FOXN3: variants seen among roughly 807,000 people sequenced by gnomAD.
FOXN3 encodes forkhead box protein N3.
A neutral mutation model predicts 38.4 loss-of-function variants in FOXN3; 7 were observed. That is an observed-to-expected ratio of 0.18 (90% CI 0.10 to 0.34). The LOEUF is 0.34. Among genes scored for constraint, FOXN3 ranks in the 10% least tolerant of loss-of-function variants. The pLI is 1.00. For synonymous variants in FOXN3, 230 were observed against 242.2 expected, an observed-to-expected ratio of 0.95 and a Z score of 0.47; for missense variants, 456 against 613.4, an observed-to-expected ratio of 0.74 and a Z score of 2.71.
chr14:89,162,834 G>C lies in FOXN3; in HGVS notation c.987C>G (p.Thr329=). ...AGGAGGAGGAGGAGATGGAGTCGCT[G>C]GTGGGCGAGGTGCTCCGGGCGTTGG... ...KSSNARSTSP[T]SDSISSSSSS... is the part of the protein sequence containing the mutation. The change falls in exon 6 of 6, where the codon ACC becomes ACG. Residue 329 remains threonine, a synonymous_variant. Coordinates refer to ENST00000557258, the MANE Select transcript of FOXN3 (RefSeq NM_005197.4). This position sits in a 1 kb window ranked among gnomAD's most constrained non-coding sequence, Gnocchi z 7.2. 2 of 1,611,856 alleles carry C rather than the reference G, an allele frequency of 1.2e-6. No homozygotes were observed. Among genetic ancestry groups the C allele is most frequent in the South Asian group, 1.1e-5 (1 of 91,074 alleles).
Position 89,412,187 on chromosome 14 carries a change from G to T in FOXN3, c.290C>A (p.Ser97Tyr), listed in dbSNP as rs758412156. The change falls in exon 2 of 6, where the codon TCC becomes TAC. Residue 97 changes from serine to tyrosine, a missense_variant. Transcript: ENST00000557258. The surrounding 1 kb of genome is among the most constrained non-coding windows in gnomAD (Gnocchi z 4.7). ...VQDLDDDTPP[S>Y]PAHSDMPYDA... ...GTAGGGCATGTCAGAGTGGGCAGGG[G>T]ATGGGGGGGTGTCATCGTCCAGGTC... 2.7e-5 allele frequency: 43 copies of T among 1,613,342 alleles called. No homozygotes were observed. Among genetic ancestry groups the T allele is most frequent in the Non-Finnish European group, 3.6e-5 (43 of 1,179,574 alleles).
chr14:89,377,252 A>G (rs150815554), intron 2 of FOXN3, among the ~76,000 whole-genome samples: 254 of 151,922 alleles, frequency 1.7e-3, no homozygotes, highest in Middle Eastern at 3.4e-3. Context: ...TCCAGACTAA[A>G]GAGATTAAAG....
Position 89,411,949 on chromosome 14 carries a change from G to A in FOXN3, c.528C>T (p.Asp176=). 1 of 1,507,954 alleles carries A rather than the reference G, an allele frequency of 6.6e-7. No individual in the cohort carries two copies. The highest frequency in any genetic ancestry group is 8.9e-7 in the Non-Finnish European group (1 of 1,119,944). 93.4% of individuals were successfully genotyped at this position (1,507,954 alleles called of 1,614,324 possible). A position where few individuals can be genotyped will look rare whatever the true frequency, so the allele number is the denominator to read the frequency against. ...LSLNKCFKKV[D]KERSQSIGKG... is the part of the protein sequence containing the mutation. The stretch of plus-strand genomic sequence containing the variant: ...AGAGGCTTACCTGACTCCTCTCTTT[G>A]TCCACTTTCTTAAAACACTTATTCA... Residue 176 remains aspartate (D), a synonymous_variant, in exon 2 of 6, where the codon GAC becomes GAT. Coordinates refer to ENST00000557258, the MANE Select transcript of FOXN3 (RefSeq NM_005197.4).
intron 2 of FOXN3, among the ~76,000 whole-genome samples, chr14:89,392,745 A>G (rs1327188749): frequency 6.7e-6 from 1 of 149,644 alleles, no homozygotes; most frequent in East Asian, 2.0e-4. Flanking sequence ...GGTTCAAGCA[A>G]TTCTCCTGCC....
At chr14:89,444,007 C>CAAAAAAA (rs569571116) in intron 1 of FOXN3, among the ~76,000 whole-genome samples, 13 of 67,620 alleles carry the variant, frequency 1.9e-4, no homozygotes, top group Non-Finnish European at 2.8e-4. Flanking sequence ...GAAACTCTGT[C>CAAAAAAA]AAAAAAAAAA....
intron 2 of FOXN3, among the ~76,000 whole-genome samples, chr14:89,407,502 G>A (rs367752244): frequency 2.0e-5 from 3 of 152,252 alleles, no homozygotes; most frequent in East Asian, 1.9e-4. Flanking sequence ...TATGTATACC[G>A]AAATGTTTGA....
At chr14:89,518,983 C>T (rs1163913734) in intron 1 of FOXN3, among the ~76,000 whole-genome samples, 1 of 152,180 alleles carries the variant, frequency 6.6e-6, no homozygotes, top group Admixed American at 6.5e-5. Flanking sequence ...CCACTGCACT[C>T]TAGCCTGGGC....
In FOXN3 at chr14:89,314,052, T is replaced by C. The variant is rs550192088; in HGVS notation, c.681-33038A>G. Among the ~76,000 whole-genome samples the C allele has an allele frequency of 2.6e-5, 4 of 152,282 alleles. No homozygotes were observed. The South Asian group carries it at 8.3e-4, about 32-fold the overall frequency. The stretch of plus-strand genomic sequence containing the variant: ...TCTAGAGATTGGTTGCACAACAGTG[T>C]GAATATACTTAACCCTACTGAACTA... On this transcript the variant is annotated intron_variant, in intron 3 of 5. Coordinates refer to ENST00000557258, the MANE Select transcript of FOXN3 (RefSeq NM_005197.4).
intron 1 of FOXN3, among the ~76,000 whole-genome samples, chr14:89,567,287 CA>C (rs1221353064): frequency 1.3e-5 from 2 of 152,352 alleles, no homozygotes; most frequent in East Asian, 3.9e-4. Context: ...AAGTCAGCAA[CA>C]ATTCTTTCTT....
rs1043138360 is a variant in FOXN3, at chr14:89,164,974, T to C, written c.852-2005A>G. On this transcript the variant is annotated intron_variant, in intron 5 of 5. Transcript: ENST00000557258. This position sits in a 1 kb window ranked among gnomAD's most constrained non-coding sequence, Gnocchi z 4.3. ...AGGGCCGGTGGTATTTTGCTAAATT[T>C]AGGCTGGGGGAGAGACTCCGTACTG... 6.6e-6 allele frequency among the ~76,000 whole-genome samples: 1 copy of C among 152,092 alleles called. No individual in the cohort carries two copies. Among genetic ancestry groups the C allele is most frequent in the Non-Finnish European group, 1.5e-5 (1 of 68,008 alleles).
chr14:89,283,445 T>C (rs1341865261), intron 3 of FOXN3, among the ~76,000 whole-genome samples: 2 of 152,212 alleles, frequency 1.3e-5, no homozygotes, highest in African/African-American at 4.8e-5. Context: ...CATCTGGAGA[T>C]GTCCCTGGAT....
At position 89,198,913 on chromosome 14, in the gene FOXN3, G is replaced by A. The variant is rs151155795; in HGVS notation, c.746-18107C>T. 1.5e-3 allele frequency among the ~76,000 whole-genome samples: 229 copies of A among 152,300 alleles called. 1 individual carries two copies. Among genetic ancestry groups the A allele is most frequent in the African/African-American group, 5.1e-3 (210 of 41,566 alleles). On this transcript the variant is annotated intron_variant, in intron 4 of 5. Coordinates refer to ENST00000557258, the MANE Select transcript of FOXN3 (RefSeq NM_005197.4). Reference sequence around the variant, plus strand: ...ATATACAATTCACTTTGTTGTTGACGTCTTTCTTTTCCTCCTTTTTGCAAA... The same window carrying A: ...ATATACAATTCACTTTGTTGTTGACATCTTTCTTTTCCTCCTTTTTGCAAA...
At chr14:89,458,171 A>G (rs756089018) in intron 1 of FOXN3, among the ~76,000 whole-genome samples, 3 of 152,130 alleles carry the variant, frequency 2.0e-5, no homozygotes, top group African/African-American at 7.2e-5. Flanking sequence ...AAGAGGGAAG[A>G]GTGGCTCCCA....
At chr14:89,530,770 C>T (rs913759917) in intron 1 of FOXN3, among the ~76,000 whole-genome samples, 17 of 150,880 alleles carry the variant, frequency 1.1e-4, no homozygotes, top group African/African-American at 2.9e-4. Context: ...CCACCACGCC[C>T]GGCTAATTTT....
chr14:89,350,567 T>C (rs1888929021), intron 3 of FOXN3, 105 bp downstream of exon 3: 1 of 1,023,134 alleles, frequency 9.8e-7, no homozygotes, highest in African/African-American at 1.7e-5. Context: ...TTACCTGCAG[T>C]TATTTTTAAA....
At chr14:89,389,479 CCT>C (rs1215378023) in intron 2 of FOXN3, among the ~76,000 whole-genome samples, 1 of 152,178 alleles carries the variant, frequency 6.6e-6, no homozygotes, top group Non-Finnish European at 1.5e-5. Flanking sequence ...AATTGATTTC[CCT>C]CTTTCTCAAT....
chr14:89,421,717 C>G (rs1395135715), upstream of FOXN3, among the ~76,000 whole-genome samples: 6 of 151,268 alleles, frequency 4.0e-5, no homozygotes, highest in African/African-American at 1.2e-4. Flanking sequence ...TTAGTAGAGA[C>G]GGGGTTTCTC....
chr14:89,580,816 A>G (rs1412398562), intron 1 of FOXN3, among the ~76,000 whole-genome samples: 1 of 152,230 alleles, frequency 6.6e-6, no homozygotes, highest in East Asian at 1.9e-4. Flanking sequence ...TTTAATTTCA[A>G]TTATGTTTTT....
chr14:89,458,883 C>A (rs1484513093), intron 1 of FOXN3, among the ~76,000 whole-genome samples: 1 of 152,158 alleles, frequency 6.6e-6, no homozygotes, highest in Non-Finnish European at 1.5e-5. Flanking sequence ...AGTCCAGCTC[C>A]ACTCACAGCC....
Sources: allele counts gnomAD v4.1 joint callset (sites outside exome capture counted in the v4.1 genomes callset), GRCh38; gene constraint gnomAD v4.1.1; non-coding constraint Gnocchi (gnomAD v3.1); transcripts MANE v1.5; gene names NCBI Gene and HGNC (gene_info 2026-07-23, HGNC 2026-07-21).